The following BMERB1 variants were observed in gnomAD, a reference collection of about 807,000 sequenced individuals.
The protein encoded by BMERB1 is bMERB domain-containing protein 1.
Under a neutral mutation model 23.6 loss-of-function variants are expected in BMERB1, and 12 were observed. The ratio of observed to expected loss-of-function variants is 0.51; its 90% CI spans 0.33 to 0.82. The LOEUF is 0.82. Among genes scored for constraint, BMERB1 ranks in the 40% least tolerant of loss-of-function variants. BMERB1 has a pLI of 0.03. For synonymous variants in BMERB1, 122 were observed against 96.6 expected (o/e 1.26, Z -1.54); for missense variants, 247 against 255.4 (o/e 0.97, Z 0.22).
At chr16:15,583,562 G>A (rs2150978346) in intron 5 of BMERB1, among the ~76,000 whole-genome samples, 2 of 146,050 alleles carry the variant, frequency 1.4e-5, no homozygotes, top group East Asian at 4.0e-4. Context: ...TGGGTGACAG[G>A]GTAAGACTTT....
chr16:15,515,494 G>T lies in BMERB1; in HGVS notation c.230+66G>T, dbSNP rs1263138231. The T allele has an allele frequency of 3.2e-6, 5 of 1,559,516 alleles. No individual in the cohort carries two copies. In the African/African-American group the frequency reaches 6.8e-5, roughly 21 times the overall value. On this transcript the variant is annotated intron_variant, in intron 2 of 5. Transcript: ENST00000300006. Reference sequence around the variant, plus strand: ...GAGGAGAGAGGAAAACCTAATATTTGTTGATCGTCTACTGTGTGCCAGGCA... The same window carrying T: ...GAGGAGAGAGGAAAACCTAATATTTTTTGATCGTCTACTGTGTGCCAGGCA...
At chr16:15,464,062 C>T (rs950497436) in intron 1 of BMERB1, among the ~76,000 whole-genome samples, 5 of 152,092 alleles carry the variant, frequency 3.3e-5, no homozygotes, top group Admixed American at 6.5e-5. Flanking sequence ...CCTGTAATCT[C>T]AGCAGTTTGG....
rs1335509290 is a variant in BMERB1, at chr16:15,587,652, C to T, written c.*823C>T. On this transcript the variant is annotated 3_prime_UTR_variant, in exon 6 of 6. Transcript: ENST00000300006. ...CCTGGGCACTCCACCATTCCGGGGC[C>T]ACCACAGAGATGCCAGCAGGATGCC... is the stretch of plus-strand genomic sequence containing the variant. 1 of 338,032 alleles carries T rather than the reference C, an allele frequency of 3.0e-6. No individual in the cohort carries two copies. Among genetic ancestry groups the T allele is most frequent in the Non-Finnish European group, 6.4e-6 (1 of 157,400 alleles). The allele number at this position is 338,032 out of a possible 1,614,324, so 20.9% of individuals were successfully genotyped here.
intron 1 of BMERB1, among the ~76,000 whole-genome samples, chr16:15,444,123 GTTTTTTTTTTTTTTT>G (rs150793082): frequency 7.3e-4 from 26 of 35,610 alleles, no homozygotes; most frequent in African/African-American, 3.2e-3. Flanking sequence ...CACCAGCTTT[GTTTTTTTTTTTTTTT>G]TTTTTTTTTT....
chr16:15,540,015 T>C (rs1388038285), intron 2 of BMERB1, among the ~76,000 whole-genome samples: 1 of 152,024 alleles, frequency 6.6e-6, no homozygotes, highest in Non-Finnish European at 1.5e-5. Flanking sequence ...TAGCCCAGTG[T>C]GCTGGAGTGC....
At chr16:15,444,380 C>T (rs1353139540) in intron 1 of BMERB1, among the ~76,000 whole-genome samples, 4 of 151,864 alleles carry the variant, frequency 2.6e-5, no homozygotes, top group African/African-American at 9.7e-5. Context: ...CCTGACCCCA[C>T]CCTTAAGAAT....
intron 2 of BMERB1, among the ~76,000 whole-genome samples, chr16:15,531,450 A>G (rs2051966084): frequency 6.6e-6 from 1 of 152,190 alleles, no homozygotes; most frequent in Admixed American, 6.5e-5. Context: ...GGACATGGAT[A>G]TCTTCAGGGA....
At chr16:15,543,868 G>A (rs1319046077) in intron 2 of BMERB1, among the ~76,000 whole-genome samples, 1 of 152,104 alleles carries the variant, frequency 6.6e-6, no homozygotes, top group Non-Finnish European at 1.5e-5. Context: ...TTCCTAAGAA[G>A]CCACAAAAGA....
At chr16:15,470,447 T>C (rs2051218701) in intron 1 of BMERB1, among the ~76,000 whole-genome samples, 1 of 152,146 alleles carries the variant, frequency 6.6e-6, no homozygotes, top group South Asian at 2.1e-4. Flanking sequence ...TTTCCTTTGT[T>C]GTACTGTCTC....
At chr16:15,573,065 A>G (rs1021719548) in intron 3 of BMERB1, among the ~76,000 whole-genome samples, 4 of 152,148 alleles carry the variant, frequency 2.6e-5, no homozygotes, top group Non-Finnish European at 4.4e-5. Flanking sequence ...GTATGTTTTT[A>G]TCAGCAGCGT....
intron 2 of BMERB1, among the ~76,000 whole-genome samples, chr16:15,543,168 T>A (rs1027326257): frequency 7.9e-5 from 12 of 152,134 alleles, no homozygotes; most frequent in Admixed American, 5.2e-4. Flanking sequence ...CCCCTGGAGT[T>A]CAGCCATCCT....
At chr16:15,523,997 A>G (rs941878053) in intron 2 of BMERB1, among the ~76,000 whole-genome samples, 1 of 152,120 alleles carries the variant, frequency 6.6e-6, no homozygotes, top group Non-Finnish European at 1.5e-5. Flanking sequence ...TGATTTTATT[A>G]TGATGATTAT....
chr16:15,457,009 A>T (rs1320861108), intron 1 of BMERB1, among the ~76,000 whole-genome samples: 1 of 151,970 alleles, frequency 6.6e-6, no homozygotes, highest in African/African-American at 2.4e-5. Context: ...TATTTTTAGT[A>T]GAGACAGGGT....
intron 3 of BMERB1, among the ~76,000 whole-genome samples, chr16:15,578,205 CTG>C (rs1252207409): frequency 6.6e-6 from 1 of 151,324 alleles, no homozygotes; most frequent in Non-Finnish European, 1.5e-5. Flanking sequence ...CTGTGTGTGT[CTG>C]TGTGTCTTCT....
At chr16:15,501,287 C>CTTTTTTTTT (rs71152437) in intron 1 of BMERB1, among the ~76,000 whole-genome samples, 3 of 64,906 alleles carry the variant, frequency 4.6e-5, no homozygotes, top group African/African-American at 1.8e-4. Context: ...GCTCTTTTTA[C>CTTTTTTTTT]TTTTTTTTTT....
intron 2 of BMERB1, among the ~76,000 whole-genome samples, chr16:15,552,426 C>T (rs145626700): frequency 0.012 from 1,811 of 151,330 alleles, 37 homozygotes; most frequent in African/African-American, 0.041. Context: ...GGCGACAGAA[C>T]GAGACTCCAT....
Position 15,580,154 on chromosome 16 carries a change from T to C in BMERB1, c.305-1063T>C, listed in dbSNP as rs183384485. 5.3e-5 allele frequency among the ~76,000 whole-genome samples: 8 copies of C among 151,456 alleles called. No individual in the cohort carries two copies. The East Asian group carries it at 1.2e-3, about 22-fold the overall frequency. ...CTCTGTTACCCAGGCTGGAGTGCAA[T>C]GGTGCAATCATAACTCACTGCAGCC... is the stretch of plus-strand genomic sequence containing the variant. On this transcript the variant is annotated intron_variant, in intron 3 of 5. Transcript: ENST00000300006.
At chr16:15,523,365 G>C (rs2051875058) in intron 2 of BMERB1, among the ~76,000 whole-genome samples, 1 of 152,102 alleles carries the variant, frequency 6.6e-6, no homozygotes, top group Non-Finnish European at 1.5e-5. Context: ...GTGGTCTTGG[G>C]AAATGCAACA....
chr16:15,571,389 G>A (rs554945308), intron 3 of BMERB1, among the ~76,000 whole-genome samples: 48 of 148,294 alleles, frequency 3.2e-4, no homozygotes, highest in Admixed American at 1.4e-3. Flanking sequence ...ACGGAGTCTC[G>A]CTCTGTCCCC....
Sources: allele counts gnomAD v4.1 joint callset (sites outside exome capture counted in the v4.1 genomes callset), GRCh38; gene constraint gnomAD v4.1.1; transcripts MANE v1.5; gene names NCBI Gene and HGNC (gene_info 2026-07-23, HGNC 2026-07-21).